Variants in THADA observed in about 807,000 individuals in gnomAD.
The protein encoded by THADA is THADA armadillo repeat containing.
Under a neutral mutation model 219.8 loss-of-function variants are expected in THADA, and 213 were observed. That is an observed-to-expected ratio of 0.97 (90% CI 0.87 to 1.09). The LOEUF (loss-of-function observed/expected upper bound fraction) is 1.09. Among genes scored for constraint, THADA ranks in the 50% least tolerant of loss-of-function variants. The probability of loss-of-function intolerance (pLI) is 0.00; values close to 1 mark genes in which losing one functional copy is unlikely to be tolerated. For missense variants in THADA, 2,956 were observed against 2,311.3 expected, an observed-to-expected ratio of 1.28 and a Z score of -5.72; for synonymous variants, 1,018 against 828.9, an observed-to-expected ratio of 1.23 and a Z score of -3.92.
intron 21 of THADA, among the ~76,000 whole-genome samples, chr2:43,534,819 T>A (rs1694338871): frequency 6.6e-6 from 1 of 152,138 alleles, no homozygotes; most frequent in Non-Finnish European, 1.5e-5. Flanking sequence ...CAGCACTCTA[T>A]CTCTTCAATA....
At chr2:43,248,479 G>C (rs969359367) in intron 36 of THADA, among the ~76,000 whole-genome samples, 1 of 151,964 alleles carries the variant, frequency 6.6e-6, no homozygotes, top group African/African-American at 2.4e-5. Flanking sequence ...AGATCTGCCC[G>C]CCTTAGCCTC....
At chr2:43,385,606 CAAAAAAAAAAAAA>C (rs532857816) in intron 29 of THADA, among the ~76,000 whole-genome samples, 44 of 49,932 alleles carry the variant, frequency 8.8e-4, no homozygotes, top group African/African-American at 2.7e-3. Flanking sequence ...GACTCCGTCT[CAAAAAAAAAAAAA>C]AAAAAAAAAA....
intron 20 of THADA, among the ~76,000 whole-genome samples, chr2:43,541,919 T>C (rs1218167115): frequency 6.6e-6 from 1 of 152,220 alleles, no homozygotes; most frequent in Non-Finnish European, 1.5e-5. Context: ...AAGTATGATA[T>C]GGATGACTAT....
intron 22 of THADA, among the ~76,000 whole-genome samples, chr2:43,513,497 G>A (rs975100220): frequency 6.6e-6 from 1 of 152,134 alleles, no homozygotes; most frequent in Non-Finnish European, 1.5e-5. Context: ...AGAAGAACCT[G>A]AAAAAGGGCT....
intron 36 of THADA, among the ~76,000 whole-genome samples, chr2:43,278,438 C>T (rs914589973): frequency 1.3e-5 from 2 of 152,106 alleles, no homozygotes; most frequent in Non-Finnish European, 1.5e-5. Flanking sequence ...AAATATTTAC[C>T]GAACACTTAC....
intron 29 of THADA, among the ~76,000 whole-genome samples, chr2:43,349,850 T>A (rs1573205006): frequency 6.6e-6 from 1 of 152,230 alleles, no homozygotes; most frequent in East Asian, 1.9e-4. Context: ...CCTTGCTGCA[T>A]GCAGACTGCA....
chr2:43,564,783 C>G (rs1170483784), intron 15 of THADA: 2 of 152,204 alleles, frequency 1.3e-5, no homozygotes, highest in South Asian at 2.1e-4. Context: ...ACCTATGCAA[C>G]ATTCCTGCAA....
chr2:43,300,478 C>T (rs962547894), intron 31 of THADA, among the ~76,000 whole-genome samples: 19 of 152,070 alleles, frequency 1.2e-4, no homozygotes, highest in African/African-American at 4.6e-4. Flanking sequence ...AGAGAATACA[C>T]ACTAAAGCCA....
At chr2:43,579,854 C>T (rs958380370) in intron 8 of THADA, among the ~76,000 whole-genome samples, 3 of 152,122 alleles carry the variant, frequency 2.0e-5, no homozygotes, top group Admixed American at 2.0e-4. Flanking sequence ...GTGGGTCGTA[C>T]ACTGCCTATA....
intron 25 of THADA, among the ~76,000 whole-genome samples, chr2:43,496,567 G>C (rs916333308): frequency 6.6e-6 from 1 of 151,922 alleles, no homozygotes; most frequent in East Asian, 1.9e-4. Context: ...GCTCAGAGTT[G>C]TTTTGTTTCC....
chr2:43,587,420 T>C (rs1243893503), intron 4 of THADA, among the ~76,000 whole-genome samples: 1 of 152,232 alleles, frequency 6.6e-6, no homozygotes, highest in Non-Finnish European at 1.5e-5. Flanking sequence ...ATTTTTAAAA[T>C]GGCATCTATC....
intron 19 of THADA, 89 bp from the exon 20 acceptor site, chr2:43,549,457 T>C (rs1696492651): frequency 5.5e-6 from 7 of 1,276,872 alleles, no homozygotes; most frequent in African/African-American, 1.5e-5. Context: ...AAATCTATAA[T>C]TTTCAATACT....
intron 36 of THADA, among the ~76,000 whole-genome samples, chr2:43,260,016 C>T (rs936611292): frequency 6.6e-6 from 1 of 152,174 alleles, no homozygotes; most frequent in Non-Finnish European, 1.5e-5. Flanking sequence ...TGGAGTCTCG[C>T]TCTGTCGTCC....
intron 15 of THADA, among the ~76,000 whole-genome samples, chr2:43,560,932 G>A (rs1225393969): frequency 3.3e-5 from 5 of 150,678 alleles, no homozygotes; most frequent in Non-Finnish European, 5.9e-5. Flanking sequence ...CAGCAGAATC[G>A]CTCGAGGCCA....
At chr2:43,333,220 G>A (rs1665992932) in intron 30 of THADA, 1 of 152,170 alleles carries the variant, frequency 6.6e-6, no homozygotes. Flanking sequence ...ACACAAACAG[G>A]ATCTCATCCG....
intron 29 of THADA, among the ~76,000 whole-genome samples, chr2:43,352,688 A>C (rs1668420013): frequency 6.6e-6 from 1 of 152,066 alleles, no homozygotes; most frequent in South Asian, 2.1e-4. Flanking sequence ...GGGGAGAGAG[A>C]AAGAGAAAGA....
chr2:43,437,016 G>C (rs909401168), intron 26 of THADA, among the ~76,000 whole-genome samples: 43 of 152,162 alleles, frequency 2.8e-4, no homozygotes, highest in African/African-American at 9.9e-4. Flanking sequence ...GGTTATGCTT[G>C]GTTATTCACA....
At chr2:43,497,543 G>A (rs13422551) in intron 25 of THADA, among the ~76,000 whole-genome samples, 20,101 of 152,170 alleles carry the variant, frequency 0.13, 1,665 homozygotes, top group African/African-American at 0.24. Flanking sequence ...TTGGAGTCAG[G>A]AAGGGAGGGA....
intron 27 of THADA, among the ~76,000 whole-genome samples, chr2:43,429,745 A>AT (rs1282175935): frequency 6.6e-6 from 1 of 152,022 alleles, no homozygotes; most frequent in Non-Finnish European, 1.5e-5. Flanking sequence ...AAAATTTAAC[A>AT]TAAAATAGCA....
Sources: gnomAD v4.1 joint callset for allele counts (sites outside exome capture counted in the v4.1 genomes callset) on GRCh38, gnomAD v4.1.1 for gene constraint, MANE v1.5 for transcripts, NCBI Gene and HGNC (gene_info 2026-07-23, HGNC 2026-07-21) for gene names.